The following HMMR variants were observed in gnomAD, a reference collection of about 807,000 sequenced individuals.
The protein encoded by HMMR is intracellular hyaluronic acid-binding protein.
HMMR carries 108 observed loss-of-function variants against 101.0 expected under a neutral mutation model. The ratio of observed to expected loss-of-function variants is 1.07; its 90% confidence interval spans 0.92 to 1.25. The LOEUF is 1.25. Ranked by LOEUF, HMMR falls within the 50% of genes most tolerant of loss-of-function variation. HMMR has a pLI of 0.00. For missense variants in HMMR, 813 were observed against 788.7 expected (o/e 1.03, Z -0.37); for synonymous variants, 296 against 276.4 (o/e 1.07, Z -0.70).
Position 163,460,680 on chromosome 5 carries a change from G to A in HMMR, c.-13G>A, listed in dbSNP as rs1351669911. ...GTGCCAGTCACCTTCAGTTTCTGGA[G>A]CTGGCCGTCAACATGTCCTTTCCTA... On this transcript the variant is annotated 5_prime_UTR_variant, in exon 1 of 18. Transcript: ENST00000393915. 6.2e-7 allele frequency: 1 copy of A among 1,602,116 alleles called. No homozygotes were observed. The highest frequency in any genetic ancestry group is 8.5e-7 in the Non-Finnish European group (1 of 1,173,798).
chr5:163,484,450 T>C (rs571260760), intron 16 of HMMR, among the ~76,000 whole-genome samples: 1 of 152,302 alleles, frequency 6.6e-6, no homozygotes, highest in South Asian at 2.1e-4. Flanking sequence ...ACCTTCTTAA[T>C]ATATTGAAAA....
chr5:163,481,462 A>G (rs1320150798), intron 12 of HMMR, among the ~76,000 whole-genome samples: 1 of 151,976 alleles, frequency 6.6e-6, no homozygotes, highest in African/African-American at 2.4e-5. Context: ...ATCAAACCAG[A>G]CCTTTCTTTA....
chr5:163,476,804 G>C (rs890405742), intron 11 of HMMR, among the ~76,000 whole-genome samples: 3 of 152,132 alleles, frequency 2.0e-5, no homozygotes, highest in Non-Finnish European at 4.4e-5. Flanking sequence ...CCAAGGCAGC[G>C]AGATCACAAG....
Position 163,474,102 on chromosome 5 carries a change from CAGAGA to C in HMMR, c.951_955del (p.Glu318AlafsTer10), listed in dbSNP as rs1758992086. 1 of 1,611,116 alleles carries C rather than the reference CAGAGA, an allele frequency of 6.2e-7. No homozygotes were observed. Among genetic ancestry groups the C allele is most frequent in the African/African-American group, 1.3e-5 (1 of 74,780 alleles). ...AGAGAACACAACGAAAATCTAAATG[CAGAGA>C]TGCAAAACTTAAAACAGAAGTTTAT... is the stretch of plus-strand genomic sequence containing the variant. On this transcript the variant is annotated frameshift_variant, in exon 10 of 18. Coordinates refer to ENST00000393915, the MANE Select transcript of HMMR (RefSeq NM_001142556.2). LOFTEE classifies it high-confidence loss of function.
rs1413444570 is a variant in HMMR, at chr5:163,467,288, T to TA, written c.226-412dup. 9.8e-5 allele frequency among the ~76,000 whole-genome samples: 15 copies of TA among 152,366 alleles called. No homozygotes were observed. In the East Asian group the frequency reaches 2.9e-3, roughly 29 times the overall value. ...TCAGAGCTTATGCTGTTTCAGTTTT[T>TA]ATTTCTTTGCATCTGTATATTTTCC... On this transcript the variant is annotated intron_variant, in intron 3 of 17. Transcript: ENST00000393915.
rs758084614 is a variant in HMMR, at chr5:163,482,621, CT to C, written c.1386-13del. The C allele has an allele frequency of 6.4e-6, 10 of 1,563,536 alleles. No homozygotes were observed. Among genetic ancestry groups the C allele is most frequent in the East Asian group, 2.2e-5 (1 of 44,652 alleles). ...CGCAATAGTTAGAAAACTACTTTGA[CT>C]TTTTTTTCTTTTTAATAAGCTATAA... On this transcript the variant is annotated intron_variant, in intron 12 of 17. Transcript: ENST00000393915.
chr5:163,483,260 C>T lies in HMMR; in HGVS notation c.1686-8C>T. 1 of 1,599,380 alleles carries T rather than the reference C, an allele frequency of 6.3e-7. No homozygotes were observed. The highest frequency in any genetic ancestry group is 8.5e-7 in the Non-Finnish European group (1 of 1,170,174). On this transcript the variant is annotated splice_polypyrimidine_tract_variant and splice_region_variant and intron_variant, in intron 14 of 17. Coordinates refer to ENST00000393915, the MANE Select transcript of HMMR (RefSeq NM_001142556.2). ...CTATGTTTTTCTCAATTTAATTCTT[C>T]CATGCAGAAAAGCTGAAAAAGAAAA...
chr5:163,469,030 G>A (rs945213656), intron 4 of HMMR, among the ~76,000 whole-genome samples: 4 of 152,114 alleles, frequency 2.6e-5, no homozygotes, highest in African/African-American at 9.7e-5. Context: ...TGTAATTGAA[G>A]CTAGAGAAAA....
At position 163,484,110 on chromosome 5, in the gene HMMR, G is replaced by A; in HGVS notation, c.1827G>A (p.Leu609=). ...TTGAAGTAGAAAAACAGGCATTGTT[G>A]AATGAACATGGTGCAGCTCAGGAAC... ...DAFEVEKQAL[L]NEHGAAQEQL... is the part of the protein sequence containing the mutation. The change falls in exon 16 of 18, where the codon TTG becomes TTA. Residue 609 remains leucine (L), a synonymous_variant. Transcript: ENST00000393915. The A allele has an allele frequency of 1.3e-6, 2 of 1,598,598 alleles. No individual in the cohort carries two copies. The highest frequency in any genetic ancestry group is 1.7e-6 in the Non-Finnish European group (2 of 1,173,296).
intron 1 of HMMR, 29 bp downstream of exon 1, chr5:163,460,767 G>A (rs1581183421): frequency 1.3e-6 from 2 of 1,594,848 alleles, no homozygotes; most frequent in East Asian, 2.3e-5. Context: ...GCTGGGGGAC[G>A]GGAGACGCCC....
chr5:163,483,322 G>A lies in HMMR; in HGVS notation c.1740G>A (p.Trp580Ter). The A allele has an allele frequency of 6.2e-7, 1 of 1,610,016 alleles. No individual in the cohort carries two copies. Among genetic ancestry groups the A allele is most frequent in the African/African-American group, 1.3e-5 (1 of 74,934 alleles). ...AATTAACTGAAGAAATTAACAAGTGGCGTCTCCTCTATGAAGAACTATATA... is the reference window on the plus strand; with the variant it reads ...AATTAACTGAAGAAATTAACAAGTGACGTCTCCTCTATGAAGAACTATATA... ...TAELTEEINK[W>*]RLLYEELYNK... The change falls in exon 15 of 18, where the codon TGG becomes TGA. Residue 580 changes from tryptophan (W) to a stop codon, truncating the protein, a stop_gained. Coordinates refer to ENST00000393915, the MANE Select transcript of HMMR (RefSeq NM_001142556.2). LOFTEE classifies it high-confidence loss of function.
intron 7 of HMMR, among the ~76,000 whole-genome samples, chr5:163,472,745 A>G (rs1037131567): frequency 7.2e-5 from 11 of 152,176 alleles, no homozygotes; most frequent in Non-Finnish European, 1.5e-4. Flanking sequence ...CAAGGTGTCT[A>G]TTGAAGTCTT....
intron 16 of HMMR, 109 bp from the exon 17 acceptor site, chr5:163,490,281 A>T: frequency 1.5e-6 from 1 of 652,560 alleles, no homozygotes. Flanking sequence ...TTTGCTGTTG[A>T]GTGTGATAAT....
rs1482316231 is a variant in HMMR, at chr5:163,491,866, A to T, written c.*702A>T. On this transcript the variant is annotated 3_prime_UTR_variant, in exon 18 of 18. Transcript: ENST00000393915. Reference sequence around the variant, plus strand: ...CAGAGTTTGTCATATACTGCTTGTCATCTGCATGTCTACTCAGCATTTGAT... The same window carrying T: ...CAGAGTTTGTCATATACTGCTTGTCTTCTGCATGTCTACTCAGCATTTGAT... 1 of 152,236 alleles carries T rather than the reference A, an allele frequency of 6.6e-6. No homozygotes were observed. The highest frequency in any genetic ancestry group is 2.4e-5 in the African/African-American group (1 of 41,470). 9.4% of individuals were successfully genotyped at this position (152,236 alleles called of 1,614,324 possible). A position where few individuals can be genotyped will look rare whatever the true frequency, so the allele number is the denominator to read the frequency against.
chr5:163,488,267 G>A (rs115698147), intron 16 of HMMR, among the ~76,000 whole-genome samples: 1,846 of 152,152 alleles, frequency 0.012, 37 homozygotes, highest in African/African-American at 0.042. Flanking sequence ...GACAGGTCCC[G>A]TCAGCCAGGC....
intron 10 of HMMR, chr5:163,474,742 C>A: frequency 2.6e-6 from 1 of 380,808 alleles, no homozygotes. Context: ...CAAATTAAAA[C>A]ATTTGATAAC....
chr5:163,484,776 C>A (rs1036386156), intron 16 of HMMR, among the ~76,000 whole-genome samples: 3 of 152,030 alleles, frequency 2.0e-5, no homozygotes, highest in African/African-American at 7.2e-5. Context: ...CTCACCCCAC[C>A]CCACCCTTCA....
At chr5:163,475,383 T>C in intron 10 of HMMR, 75 bp from the exon 11 acceptor site, 1 of 730,496 alleles carries the variant, frequency 1.4e-6, no homozygotes, top group South Asian at 2.0e-5. Context: ...TCTTTATCTG[T>C]ACTTTTTTTT....
At chr5:163,487,115 G>A (rs1759504653) in intron 16 of HMMR, among the ~76,000 whole-genome samples, 1 of 152,186 alleles carries the variant, frequency 6.6e-6, no homozygotes, top group Non-Finnish European at 1.5e-5. Flanking sequence ...AGTTGAGGAA[G>A]TTCCCTTCTG....
Sources: allele counts gnomAD v4.1 joint callset (sites outside exome capture counted in the v4.1 genomes callset), GRCh38; gene constraint gnomAD v4.1.1; transcripts MANE v1.5; gene names NCBI Gene and HGNC (gene_info 2026-07-23, HGNC 2026-07-21).